The following HECW1 variants were observed in gnomAD, a reference collection of about 807,000 sequenced individuals.
HECW1 encodes the protein HECT, C2 and WW domain containing E3 ubiquitin protein ligase 1.
HECW1 carries 61 observed loss-of-function variants against 182.3 expected under a neutral mutation model. That is an observed-to-expected ratio of 0.33 (90% confidence interval 0.27 to 0.41). HECW1 has a LOEUF of 0.41. Ranked by LOEUF, HECW1 falls within the 10% of genes least tolerant of loss-of-function variation. The pLI, the probability that HECW1 is intolerant of heterozygous loss-of-function variation, is 1.00. For synonymous variants in HECW1, 859 were observed against 832.6 expected (o/e 1.03, Z -0.55); for missense variants, 1,739 against 2,108.9 (o/e 0.82, Z 3.44).
chr7:43,541,241 C>T lies in HECW1; in HGVS notation c.4098C>T (p.Phe1366=). ...YLLDAFFTRP[F]YKALLRLPCD... ...TTGACGCTTTCTTCACGAGGCCCTT[C>T]TACAAGGCACTCCTGAGACTGTAAG... The change falls in exon 25 of 30, where the codon TTC becomes TTT. Residue 1366 remains phenylalanine, a synonymous_variant. Transcript: ENST00000395891. 2 of 1,613,906 alleles carry T rather than the reference C, an allele frequency of 1.2e-6. No individual in the cohort carries two copies. Among genetic ancestry groups the T allele is most frequent in the Non-Finnish European group, 1.7e-6 (2 of 1,179,774 alleles).
At chr7:43,488,485 AAAGAGAAAG>A (rs2078798854) in intron 17 of HECW1, among the ~76,000 whole-genome samples, 1 of 147,936 alleles carries the variant, frequency 6.8e-6, no homozygotes, top group Non-Finnish European at 1.5e-5. Context: ...AGAAAGAAAG[AAAGAGAAAG>A]AAAGAAAGAA....
chr7:43,317,953 A>G (rs1809557013), intron 4 of HECW1, among the ~76,000 whole-genome samples: 1 of 151,468 alleles, frequency 6.6e-6, no homozygotes, highest in Non-Finnish European at 1.5e-5. Flanking sequence ...CCTTTTGTAC[A>G]TTCTATATTC....
In HECW1 at chr7:43,565,854, C is replaced by G. The variant is rs191877151; in HGVS notation, c.*3928C>G. The G allele has an allele frequency of 5.3e-6, 1 of 189,104 alleles. No homozygotes were observed. The highest frequency in any genetic ancestry group is 2.3e-5 in the African/African-American group (1 of 42,934). The allele number at this position is 189,104 out of a possible 1,614,324, so 11.7% of individuals were successfully genotyped here. Reference sequence around the variant, plus strand: ...GTCTACAACAATTTTGTTCAAAAGTCTGTTCTAGTCAATAGCAGGAGAAGT... The same window carrying G: ...GTCTACAACAATTTTGTTCAAAAGTGTGTTCTAGTCAATAGCAGGAGAAGT... On this transcript the variant is annotated 3_prime_UTR_variant, in exon 30 of 30. Coordinates refer to ENST00000395891, the MANE Select transcript of HECW1 (RefSeq NM_015052.5).
At chr7:43,137,769 C>T (rs1233614046) in intron 2 of HECW1, among the ~76,000 whole-genome samples, 2 of 151,926 alleles carry the variant, frequency 1.3e-5, no homozygotes, top group Admixed American at 6.6e-5. Context: ...AGGCTGGTCT[C>T]GAACTCCTGA....
At chr7:43,393,145 A>G (rs571101668) in intron 6 of HECW1, among the ~76,000 whole-genome samples, 10 of 152,244 alleles carry the variant, frequency 6.6e-5, no homozygotes, top group Non-Finnish European at 1.5e-5. Context: ...TTTGGGTGCA[A>G]GACACACACA....
At chr7:43,124,496 C>T (rs944908273) in intron 2 of HECW1, among the ~76,000 whole-genome samples, 18 of 152,224 alleles carry the variant, frequency 1.2e-4, no homozygotes, top group African/African-American at 4.3e-4. Flanking sequence ...ACTCATTTTC[C>T]ACACAGTGAA....
rs1239907841 is a variant in HECW1 at position 43,493,129 on chromosome 7, T to C, written c.3386T>C (p.Phe1129Ser). The C allele has an allele frequency of 2.5e-6, 4 of 1,613,916 alleles. No individual in the cohort carries two copies. Among genetic ancestry groups the C allele is most frequent in the Non-Finnish European group, 2.5e-6 (3 of 1,179,902 alleles). ...IVAFLRQPNI[F>S]EMLQERQPSL... is the part of the protein sequence containing the mutation. ...GCATTTCTTCGCCAGCCAAACATTT[T>C]TGAAATGCTGCAAGAGCGTCAGCCA... The change falls in exon 19 of 30, where the codon TTT (phenylalanine) becomes TCT (serine). Residue 1129 changes from phenylalanine to serine, a missense_variant. This residue lies in a region of HECW1 where 971 missense variants were observed against 1,029.1 expected (regional missense o/e 0.94). Coordinates refer to ENST00000395891, the MANE Select transcript of HECW1 (RefSeq NM_015052.5).
rs1445102024 is a variant in HECW1, at chr7:43,374,731, G to A, written c.555+13751G>A. The stretch of plus-strand genomic sequence containing the variant: ...GGAGCTTGCAGTGAGCCGAGATCCC[G>A]CCACTGCACTCCAGCCTGGGCGACA... On this transcript the variant is annotated intron_variant, in intron 6 of 29. Coordinates refer to ENST00000395891, the MANE Select transcript of HECW1 (RefSeq NM_015052.5). Among the ~76,000 whole-genome samples the A allele has an allele frequency of 3.7e-5, 3 of 81,950 alleles. 1 individual carries two copies. Among genetic ancestry groups the A allele is most frequent in the African/African-American group, 9.4e-5 (2 of 21,274 alleles). The allele number at this position is 81,950 out of a possible 152,430, so 53.8% of individuals were successfully genotyped here. A position where few individuals can be genotyped will look rare whatever the true frequency, so the allele number is the denominator to read the frequency against.
intron 13 of HECW1, among the ~76,000 whole-genome samples, chr7:43,457,496 G>C (rs2077441343): frequency 6.6e-6 from 1 of 152,214 alleles, no homozygotes; most frequent in South Asian, 2.1e-4. Flanking sequence ...CATGGGGCCG[G>C]GTGCAGTGGC....
At chr7:43,407,369 T>C (rs2075645880) in intron 7 of HECW1, among the ~76,000 whole-genome samples, 193 bp from the exon 8 acceptor site, 1 of 152,090 alleles carries the variant, frequency 6.6e-6, no homozygotes, top group Non-Finnish European at 1.5e-5. Context: ...AAAGTTGGAC[T>C]TTCTCTCCCT....
At chr7:43,344,536 C>A (rs1813429065) in intron 5 of HECW1, among the ~76,000 whole-genome samples, 1 of 150,218 alleles carries the variant, frequency 6.7e-6, no homozygotes, top group Admixed American at 6.6e-5. Context: ...TCTCTGATGT[C>A]TGATTGCTTT....
intron 2 of HECW1, among the ~76,000 whole-genome samples, chr7:43,222,415 T>C (rs190175723): frequency 2.6e-5 from 4 of 152,324 alleles, no homozygotes; most frequent in African/African-American, 9.6e-5. Flanking sequence ...CAGAAGGTAC[T>C]TTGTATAAGA....
chr7:43,474,071 G>C (rs2152902995), intron 16 of HECW1, among the ~76,000 whole-genome samples: 1 of 152,236 alleles, frequency 6.6e-6, no homozygotes, highest in Middle Eastern at 3.4e-3. Context: ...AGAAATAAAA[G>C]AATAAATATT....
intron 2 of HECW1, among the ~76,000 whole-genome samples, chr7:43,233,092 CCTT>C (rs1162356630): frequency 6.6e-6 from 1 of 152,234 alleles, no homozygotes; most frequent in South Asian, 2.1e-4. Flanking sequence ...TAACTTCTCT[CCTT>C]CTCCCTAGCT....
At chr7:43,511,575 T>G (rs2152930522) in intron 24 of HECW1, 1 of 152,342 alleles carries the variant, frequency 6.6e-6, no homozygotes, top group South Asian at 2.1e-4. Flanking sequence ...GGAAACTGGT[T>G]TTCTTTGCAC....
intron 2 of HECW1, among the ~76,000 whole-genome samples, chr7:43,139,921 T>A (rs17795675): frequency 6.6e-6 from 1 of 151,890 alleles, no homozygotes; most frequent in Non-Finnish European, 1.5e-5. Context: ...CAGTTTTCTG[T>A]TCTGTGAAAT....
intron 17 of HECW1, among the ~76,000 whole-genome samples, chr7:43,490,595 G>T (rs1312112330): frequency 1.3e-5 from 2 of 151,810 alleles, no homozygotes; most frequent in Non-Finnish European, 2.9e-5. Context: ...ACTCTGCAAG[G>T]GTCTTAAAAA....
At position 43,308,330 on chromosome 7, in the gene HECW1, T is replaced by TTC. The variant is rs1562814009; in HGVS notation, c.28-3432_28-3431insCT. Among the ~76,000 whole-genome samples the TTC allele has an allele frequency of 1.6e-3, 192 of 120,400 alleles. 3 individuals are homozygous for TTC. The highest frequency in any genetic ancestry group is 5.5e-3 in the African/African-American group (181 of 32,986). The allele number at this position is 120,400 out of a possible 152,430, so 79.0% of individuals were successfully genotyped here. On this transcript the variant is annotated intron_variant, in intron 3 of 29. Transcript: ENST00000395891. ...TATATTTATATATTATATGATATAT[T>TTC]TATATATATTATATGATATATTTAT...
Position 43,396,811 on chromosome 7 carries a change from C to T in HECW1, c.556-3C>T. 6.2e-7 allele frequency: 1 copy of T among 1,608,402 alleles called. No individual in the cohort carries two copies. Among genetic ancestry groups the T allele is most frequent in the Non-Finnish European group, 8.5e-7 (1 of 1,176,200 alleles). ...TTGTCTCCCATTTTCCTTCTTTTTACAGATTTTTAAAAGCATTGGTGCTGA... is the reference window on the plus strand; with the variant it reads ...TTGTCTCCCATTTTCCTTCTTTTTATAGATTTTTAAAAGCATTGGTGCTGA... On this transcript the variant is annotated splice_region_variant and splice_polypyrimidine_tract_variant and intron_variant, in intron 6 of 29. Transcript: ENST00000395891.
Sources: gnomAD v4.1 joint callset for allele counts (sites outside exome capture counted in the v4.1 genomes callset) on GRCh38, gnomAD v4.1.1 for gene constraint, gnomAD v4.1.1 regional missense constraint, MANE v1.5 for transcripts, NCBI Gene and HGNC (gene_info 2026-07-23, HGNC 2026-07-21) for gene names.